The following PRKG1 variants were observed in gnomAD, a reference collection of about 807,000 sequenced individuals.
PRKG1 encodes the protein protein kinase cGMP-dependent 1, also known as cGMP-dependent protein kinase 1.
A neutral mutation model predicts 88.1 loss-of-function variants in PRKG1; 35 were observed. The observed-to-expected ratio is 0.40, with a 90% CI of 0.30 to 0.53. The LOEUF (loss-of-function observed/expected upper bound fraction) is 0.53. Ranked by LOEUF, PRKG1 falls within the 20% of genes least tolerant of loss-of-function variation. The probability of loss-of-function intolerance (pLI) is 0.59; values close to 1 mark genes in which losing one functional copy is unlikely to be tolerated. For synonymous variants in PRKG1, 303 were observed against 292.5 expected, an observed-to-expected ratio of 1.04 and a Z score of -0.37; for missense variants, 540 against 839.8, an observed-to-expected ratio of 0.64 and a Z score of 4.41.
chr10:51,184,797 C>T (rs1280823092), intron 2 of PRKG1, among the ~76,000 whole-genome samples: 3 of 152,014 alleles, frequency 2.0e-5, no homozygotes, highest in Non-Finnish European at 4.4e-5. Context: ...CTTTTTTGAA[C>T]GTCAACAAGA....
At chr10:51,146,745 T>C (rs1845956841) in intron 1 of PRKG1, among the ~76,000 whole-genome samples, 1 of 152,132 alleles carries the variant, frequency 6.6e-6, no homozygotes, top group Non-Finnish European at 1.5e-5. Context: ...TGAGTTGATG[T>C]TTTGTATATG....
chr10:51,580,474 G>A (rs12247893), intron 3 of PRKG1, among the ~76,000 whole-genome samples: 21,629 of 151,860 alleles, frequency 0.14, 1,662 homozygotes, highest in African/African-American at 0.2. Flanking sequence ...ACTTTTAATC[G>A]GTATGTTTCT....
chr10:51,549,346 G>T (rs1426935601), intron 3 of PRKG1, among the ~76,000 whole-genome samples: 1 of 151,306 alleles, frequency 6.6e-6, no homozygotes, highest in South Asian at 2.1e-4. Context: ...GGATGGTCTC[G>T]ATCTCCTGAC....
intron 3 of PRKG1, among the ~76,000 whole-genome samples, chr10:51,669,621 T>A (rs901008989): frequency 1.3e-5 from 2 of 152,208 alleles, no homozygotes; most frequent in South Asian, 2.1e-4. Context: ...GTTTTTAATT[T>A]CTTCAGTTAA....
At chr10:51,336,608 T>C (rs983403352) in intron 2 of PRKG1, among the ~76,000 whole-genome samples, 1 of 152,146 alleles carries the variant, frequency 6.6e-6, no homozygotes, top group Admixed American at 6.5e-5. Context: ...CCATCCCAGT[T>C]ATACCTGGCA....
chr10:51,171,773 A>G (rs1003435265), intron 2 of PRKG1, among the ~76,000 whole-genome samples: 4 of 152,048 alleles, frequency 2.6e-5, no homozygotes, highest in African/African-American at 9.7e-5. Flanking sequence ...TTCCTAAGCA[A>G]CTTAAGGTCA....
At chr10:52,187,043 T>C (rs963361925) in intron 9 of PRKG1, among the ~76,000 whole-genome samples, 3 of 152,180 alleles carry the variant, frequency 2.0e-5, no homozygotes, top group Non-Finnish European at 2.9e-5. Flanking sequence ...TCAATTTAGT[T>C]TCATAGGTTT....
rs1262218446 is a variant in PRKG1 at position 51,602,778 on chromosome 10, GTGTA to G, written c.592+134944_592+134947del. ...TGTGTGTGTGTGTGTGTGTGTGTGT[GTGTA>G]TATATTCATATATATATTAATTTTC... is the stretch of plus-strand genomic sequence containing the variant. On this transcript the variant is annotated intron_variant, in intron 3 of 17. Transcript: ENST00000373980. Among the ~76,000 whole-genome samples, 222 of 110,456 alleles carry G rather than the reference GTGTA, an allele frequency of 2.0e-3. 3 individuals carry two copies. Among genetic ancestry groups the G allele is most frequent in the African/African-American group, 9.7e-3 (201 of 20,798 alleles). The allele number at this position is 110,456 out of a possible 152,430, so 72.5% of individuals were successfully genotyped here. A position where few individuals can be genotyped will look rare whatever the true frequency, so the allele number is the denominator to read the frequency against.
At chr10:51,525,503 CCTGA>C (rs757484845) in intron 3 of PRKG1, among the ~76,000 whole-genome samples, 24 of 152,192 alleles carry the variant, frequency 1.6e-4, no homozygotes, top group Admixed American at 9.8e-4. Flanking sequence ...TCGAGACCAT[CCTGA>C]CTAACATGGT....
intron 9 of PRKG1, among the ~76,000 whole-genome samples, chr10:52,168,703 A>AT (rs910979010): frequency 1.1e-4 from 16 of 151,878 alleles, no homozygotes; most frequent in Middle Eastern, 3.4e-3. Flanking sequence ...GGACAATGTG[A>AT]TTTAAAAAAA....
chr10:51,290,226 C>T (rs1223281709), intron 2 of PRKG1, among the ~76,000 whole-genome samples: 3 of 151,634 alleles, frequency 2.0e-5, no homozygotes, highest in African/African-American at 2.4e-5. Context: ...GAACACAGAG[C>T]GAGATGCTGT....
chr10:51,126,414 AATTCATAT>A (rs1242724202), intron 1 of PRKG1, among the ~76,000 whole-genome samples: 2 of 135,798 alleles, frequency 1.5e-5, no homozygotes, highest in Non-Finnish European at 3.2e-5. Flanking sequence ...ATTTATATAT[AATTCATAT>A]ATTCATATAT....
intron 3 of PRKG1, among the ~76,000 whole-genome samples, chr10:51,530,770 G>A (rs902055027): frequency 3.3e-5 from 5 of 152,056 alleles, no homozygotes; most frequent in Admixed American, 6.6e-5. Context: ...TCTCACACAC[G>A]ACCTTCCACC....
At chr10:51,549,846 G>A (rs2132126292) in intron 3 of PRKG1, among the ~76,000 whole-genome samples, 1 of 152,242 alleles carries the variant, frequency 6.6e-6, no homozygotes, top group Non-Finnish European at 1.5e-5. Flanking sequence ...TAAGGCAATA[G>A]CAACCTAACC....
At chr10:52,063,079 A>G (rs116420798) in intron 7 of PRKG1, among the ~76,000 whole-genome samples, 1,560 of 152,202 alleles carry the variant, frequency 0.01, 30 homozygotes, top group African/African-American at 0.034. Context: ...GGGCGCCTTC[A>G]CCTGAGTTTT....
intron 2 of PRKG1, among the ~76,000 whole-genome samples, chr10:51,413,344 G>GT (rs11436929): frequency 0.17 from 24,728 of 146,056 alleles, 2,137 homozygotes; most frequent in South Asian, 0.26. Flanking sequence ...TAAAAAAAAT[G>GT]TTTTTTTTTT....
chr10:51,518,172 A>G (rs1819277), intron 3 of PRKG1, among the ~76,000 whole-genome samples: 37,053 of 151,876 alleles, frequency 0.24, 4,906 homozygotes, highest in Admixed American at 0.32. Flanking sequence ...TAATTTTTGT[A>G]TTTTTTGTAG....
At chr10:51,996,094 C>T (rs754234791) in intron 5 of PRKG1, among the ~76,000 whole-genome samples, 3 of 151,862 alleles carry the variant, frequency 2.0e-5, no homozygotes, top group Admixed American at 6.6e-5. Context: ...AGATAGATCA[C>T]GAGGTCAGGA....
intron 1 of PRKG1, among the ~76,000 whole-genome samples, chr10:51,004,524 A>G (rs1355012583): frequency 2.0e-5 from 3 of 152,158 alleles, no homozygotes; most frequent in African/African-American, 4.8e-5. Flanking sequence ...GGCAGCATAA[A>G]CAAAATTAAT....
Sources: gnomAD v4.1 joint callset for allele counts (sites outside exome capture counted in the v4.1 genomes callset) on GRCh38, gnomAD v4.1.1 for gene constraint, MANE v1.5 for transcripts, NCBI Gene and HGNC (gene_info 2026-07-23, HGNC 2026-07-21) for gene names.